STX3: variants seen among roughly 807,000 people sequenced by gnomAD.
STX3 encodes the protein syntaxin-3.
In STX3, 19 loss-of-function variants were observed where a neutral mutation model predicts 40.2. The observed-to-expected ratio is 0.47, with a 90% CI of 0.33 to 0.69. STX3 has a LOEUF of 0.69. Among genes scored for constraint, STX3 ranks in the 30% least tolerant of loss-of-function variants. The probability of loss-of-function intolerance (pLI) is 0.02; values close to 1 mark genes in which losing one functional copy is unlikely to be tolerated. For synonymous variants in STX3, 122 were observed against 132.2 expected (o/e 0.92, Z 0.53); for missense variants, 364 against 366.7 (o/e 0.99, Z 0.06).
In STX3 at chr11:59,766,416, C is replaced by G. The variant is rs148335529; in HGVS notation, c.31-6795C>G. The stretch of plus-strand genomic sequence containing the variant: ...GTAGGACTCTTTCTTAAAATGAAAT[C>G]TTATATTGAATCCCAGTGTATAAAG... On this transcript the variant is annotated intron_variant, in intron 1 of 10. Coordinates refer to ENST00000337979, the MANE Select transcript of STX3 (RefSeq NM_004177.5). Among the ~76,000 whole-genome samples the G allele has an allele frequency of 1.3e-3, 194 of 152,138 alleles. 3 individuals are homozygous for G. The highest frequency in any genetic ancestry group is 4.4e-3 in the African/African-American group (184 of 41,498).
At chr11:59,797,043 C>T (rs897108261) in intron 9 of STX3, among the ~76,000 whole-genome samples, 7 of 152,104 alleles carry the variant, frequency 4.6e-5, no homozygotes, top group Non-Finnish European at 8.8e-5. Context: ...CCCAGGAGGT[C>T]GAGGCTGCAG....
At chr11:59,761,732 A>AC (rs888168926) in intron 1 of STX3, among the ~76,000 whole-genome samples, 1 of 151,778 alleles carries the variant, frequency 6.6e-6, no homozygotes, top group Non-Finnish European at 1.5e-5. Context: ...GTGAAGTTCA[A>AC]CCCCCCACCT....
intron 1 of STX3, among the ~76,000 whole-genome samples, chr11:59,770,015 T>A (rs1044935812): frequency 6.7e-6 from 1 of 149,898 alleles, no homozygotes; most frequent in Non-Finnish European, 1.5e-5. Context: ...GGTGTATGTG[T>A]GGAGTGTGTG....
chr11:59,758,171 A>G (rs958339143), intron 1 of STX3, among the ~76,000 whole-genome samples: 1 of 152,188 alleles, frequency 6.6e-6, no homozygotes, highest in African/African-American at 2.4e-5. Flanking sequence ...GAAATGAGGA[A>G]TCTGTAAGAA....
chr11:59,765,512 C>A (rs1863237491), intron 1 of STX3, among the ~76,000 whole-genome samples: 1 of 152,046 alleles, frequency 6.6e-6, no homozygotes, highest in Non-Finnish European at 1.5e-5. Context: ...ACAAGAAAAA[C>A]CAGGAGTCAG....
rs747741006 is a variant in STX3 at position 59,782,333 on chromosome 11, A to G, written c.115-4704A>G. Among the ~76,000 whole-genome samples the G allele has an allele frequency of 7.9e-5, 12 of 152,366 alleles. No individual in the cohort carries two copies. In the South Asian group the frequency reaches 1.7e-3, roughly 21 times the overall value. ...ATTAAGACTTTTTTACAGGATTGCT[A>G]TGAGGATTAAATGAGACATGCCTGT... is the stretch of plus-strand genomic sequence containing the variant. On this transcript the variant is annotated intron_variant, in intron 2 of 10. Coordinates refer to ENST00000337979, the MANE Select transcript of STX3 (RefSeq NM_004177.5).
At chr11:59,791,067 C>G (rs1481603675) in intron 5 of STX3, among the ~76,000 whole-genome samples, 2 of 151,628 alleles carry the variant, frequency 1.3e-5, no homozygotes, top group Non-Finnish European at 2.9e-5. Context: ...GCATGGTGCT[C>G]TCAGCATCAA....
At chr11:59,759,856 C>T (rs1217323131) in intron 1 of STX3, among the ~76,000 whole-genome samples, 1 of 152,222 alleles carries the variant, frequency 6.6e-6, no homozygotes, top group East Asian at 1.9e-4. Flanking sequence ...GTGTACTTCT[C>T]CTTTAAAGCT....
chr11:59,771,359 C>T (rs1478869773), intron 1 of STX3, among the ~76,000 whole-genome samples: 1 of 148,732 alleles, frequency 6.7e-6, no homozygotes, highest in Non-Finnish European at 1.5e-5. Flanking sequence ...GCCTGGGCAA[C>T]AGAGTGAGTC....
intron 2 of STX3, among the ~76,000 whole-genome samples, chr11:59,784,386 A>T (rs1001663301): frequency 1.3e-5 from 2 of 152,190 alleles, no homozygotes; most frequent in Non-Finnish European, 2.9e-5. Flanking sequence ...TTGGCAAGAC[A>T]GTTATGTGGT....
chr11:59,770,010 ATGTGTGGAGTGTGTGTG>A (rs1182776320), intron 1 of STX3, among the ~76,000 whole-genome samples: 3 of 146,618 alleles, frequency 2.0e-5, no homozygotes, highest in Non-Finnish European at 3.0e-5. Context: ...GTGTGGGTGT[ATGTGTGGAGTGTGTGTG>A]TGTGGGATGT....
chr11:59,799,778 T>C (rs1282774978), intron 10 of STX3: 4 of 985,386 alleles, frequency 4.1e-6, no homozygotes, highest in Non-Finnish European at 4.8e-6. Flanking sequence ...TAAGCAACAG[T>C]GAGATGAACA....
rs1184805627 is a variant in STX3 at position 59,801,486 on chromosome 11, C to G, written c.*662C>G. On this transcript the variant is annotated 3_prime_UTR_variant, in exon 11 of 11. Coordinates refer to ENST00000337979, the MANE Select transcript of STX3 (RefSeq NM_004177.5). Reference sequence around the variant, plus strand: ...TCTGTGTTGTAGTCTCTCATATTTACTCAAGGAGGGACCAGGATGATACAG... The same window carrying G: ...TCTGTGTTGTAGTCTCTCATATTTAGTCAAGGAGGGACCAGGATGATACAG... The G allele has an allele frequency of 9.1e-6, 9 of 985,680 alleles. No individual in the cohort carries two copies. The highest frequency in any genetic ancestry group is 6.1e-5 in the Admixed American group (1 of 16,328). The allele number at this position is 985,680 out of a possible 1,614,324, so 61.1% of individuals were successfully genotyped here. A position where few individuals can be genotyped will look rare whatever the true frequency, so the allele number is the denominator to read the frequency against.
intron 1 of STX3, among the ~76,000 whole-genome samples, chr11:59,770,285 G>A (rs1432337989): frequency 6.8e-6 from 1 of 146,084 alleles, no homozygotes; most frequent in Non-Finnish European, 1.5e-5. Flanking sequence ...TATATGTGTG[G>A]AGTGTATGTG....
At chr11:59,773,500 C>G (rs1863774297) in intron 2 of STX3, among the ~76,000 whole-genome samples, 1 of 152,102 alleles carries the variant, frequency 6.6e-6, no homozygotes, top group African/African-American at 2.4e-5. Context: ...AGAAAGTCAG[C>G]AGAGGGTCAA....
intron 1 of STX3, among the ~76,000 whole-genome samples, chr11:59,770,586 G>A (rs777485541): frequency 1.3e-5 from 2 of 152,090 alleles, no homozygotes; most frequent in Non-Finnish European, 2.9e-5. Context: ...AGGGGCCTGA[G>A]AGTTGATGAT....
Position 59,792,135 on chromosome 11 carries a change from A to T in STX3, c.386A>T (p.Glu129Val). Residue 129 changes from glutamate to valine, a missense_variant, in exon 6 of 11, where the codon GAG becomes GTG. By Grantham distance (121) the Glu-to-Val change is moderately radical (BLOSUM62 -2). Transcript: ENST00000337979. Reference sequence around the variant, plus strand: ...TCTGTCCTTTCTCGGAAGTTTGTGGAGGTGATGACCAAATACAATGAAGCT... The same window carrying T: ...TCTGTCCTTTCTCGGAAGTTTGTGGTGGTGATGACCAAATACAATGAAGCT... The part of the protein sequence containing the change: ...QHSVLSRKFV[E>V]VMTKYNEAQV... 1 of 1,614,066 alleles carries T rather than the reference A, an allele frequency of 6.2e-7. No individual in the cohort carries two copies. Among genetic ancestry groups the T allele is most frequent in the Non-Finnish European group, 8.5e-7 (1 of 1,180,010 alleles).
chr11:59,771,966 A>G (rs992439489), intron 1 of STX3, among the ~76,000 whole-genome samples: 1 of 152,198 alleles, frequency 6.6e-6, no homozygotes, highest in South Asian at 2.1e-4. Context: ...CAGCCAGAGA[A>G]TGAGATGCTG....
chr11:59,755,588 G>C lies in STX3; in HGVS notation c.-18G>C. ...CACCTGGGACGCGCTACCTGCCTCC[G>C]GGCGCCTGGGCTTCAGGATGAAGGA... On this transcript the variant is annotated 5_prime_UTR_variant, in exon 1 of 11. Coordinates refer to ENST00000337979, the MANE Select transcript of STX3 (RefSeq NM_004177.5). 1.3e-6 allele frequency: 2 copies of C among 1,592,694 alleles called. No individual in the cohort carries two copies. Among genetic ancestry groups the C allele is most frequent in the South Asian group, 1.1e-5 (1 of 90,814 alleles).
Sources: gnomAD v4.1 joint callset for allele counts (sites outside exome capture counted in the v4.1 genomes callset) on GRCh38, gnomAD v4.1.1 for gene constraint, MANE v1.5 for transcripts, NCBI Gene and HGNC (gene_info 2026-07-23, HGNC 2026-07-21) for gene names.